ANO6: variants seen among roughly 807,000 people sequenced by gnomAD.
ANO6 encodes anoctamin-6.
Under a neutral mutation model 117.5 loss-of-function variants are expected in ANO6, and 106 were observed. That is an observed-to-expected ratio of 0.90 (90% CI 0.77 to 1.06). ANO6 has a LOEUF of 1.06. Ranked by LOEUF, ANO6 falls within the 50% of genes least tolerant of loss-of-function variation. The probability of loss-of-function intolerance (pLI) is 0.00; values close to 1 mark genes in which losing one functional copy is unlikely to be tolerated. For synonymous variants in ANO6, 367 were observed against 385.1 expected (o/e 0.95, Z 0.55); for missense variants, 955 against 1,121.1 (o/e 0.85, Z 2.12).
At chr12:45,316,897 T>G (rs78158164) in intron 2 of ANO6, among the ~76,000 whole-genome samples, 8,067 of 148,394 alleles carry the variant, frequency 0.054, 517 homozygotes, top group East Asian at 0.35. Flanking sequence ...GACCTCAGAG[T>G]TTTTTTTTAA....
At chr12:45,363,677 C>T (rs1941614116) in intron 8 of ANO6, among the ~76,000 whole-genome samples, 1 of 152,148 alleles carries the variant, frequency 6.6e-6, no homozygotes, top group African/African-American at 2.4e-5. Context: ...CCCATAATTC[C>T]CACATGTTGT....
chr12:45,259,474 A>G (rs574726651), intron 1 of ANO6, among the ~76,000 whole-genome samples: 9 of 152,326 alleles, frequency 5.9e-5, no homozygotes, highest in Admixed American at 2.6e-4. Flanking sequence ...TGAGATGTAG[A>G]GGATAGAAAC....
Position 45,401,835 on chromosome 12 carries a change from A to T in ANO6, c.1427A>T (p.Tyr476Phe). Reference sequence around the variant, plus strand: ...GCTTCAGTTATTGGGATCATTGTCTATAGGCTCTCGGTGTTCATTGTATTT... The same window carrying T: ...GCTTCAGTTATTGGGATCATTGTCTTTAGGCTCTCGGTGTTCATTGTATTT... ...IIASVIGIIV[Y>F]RLSVFIVFSA... Residue 476 changes from tyrosine (Y) to phenylalanine (F), a missense_variant, in exon 13 of 20, where the codon TAT (tyrosine) becomes TTT (phenylalanine). Coordinates refer to ENST00000320560, the MANE Select transcript of ANO6 (RefSeq NM_001025356.3). The T allele has an allele frequency of 6.2e-7, 1 of 1,613,834 alleles. No homozygotes were observed. Among genetic ancestry groups the T allele is most frequent in the Non-Finnish European group, 8.5e-7 (1 of 1,179,962 alleles).
intron 10 of ANO6, among the ~76,000 whole-genome samples, chr12:45,386,057 AAAAAC>A (rs1030035426): frequency 2.2e-4 from 34 of 152,122 alleles, no homozygotes; most frequent in African/African-American, 7.3e-4. Context: ...ATTAAACCTT[AAAAAC>A]AAAACAAAAC....
At chr12:45,433,699 C>CACCGTT (rs1436858065), downstream of ANO6, among the ~76,000 whole-genome samples, 24 of 150,752 alleles carry the variant, frequency 1.6e-4, no homozygotes, top group African/African-American at 5.5e-4. Flanking sequence ...TCGTCACCGT[C>CACCGTT]ACCGTTAAGA....
intron 1 of ANO6, among the ~76,000 whole-genome samples, chr12:45,295,838 G>A (rs896039549): frequency 2.0e-5 from 3 of 151,796 alleles, no homozygotes; most frequent in African/African-American, 7.3e-5. Flanking sequence ...GTGATTACAG[G>A]CGCTTTTTAA....
intron 13 of ANO6, among the ~76,000 whole-genome samples, chr12:45,402,550 C>A (rs189145786): frequency 6.6e-6 from 1 of 152,158 alleles, no homozygotes; most frequent in South Asian, 2.1e-4. Flanking sequence ...ACGTCTGAGT[C>A]GTTCCCTGAA....
intron 9 of ANO6, among the ~76,000 whole-genome samples, chr12:45,376,929 T>C (rs1263643226): frequency 6.6e-6 from 1 of 152,148 alleles, no homozygotes; most frequent in African/African-American, 2.4e-5. Context: ...AGGATTATGC[T>C]TGCTTTCTCA....
intron 3 of ANO6, among the ~76,000 whole-genome samples, chr12:45,332,743 G>A (rs1385803078): frequency 6.6e-6 from 1 of 152,046 alleles, no homozygotes; most frequent in Non-Finnish European, 1.5e-5. Flanking sequence ...CCTGACAGAA[G>A]CTCTGCCATA....
At chr12:45,230,268 G>A (rs532841337) in intron 1 of ANO6, among the ~76,000 whole-genome samples, 1 of 152,166 alleles carries the variant, frequency 6.6e-6, no homozygotes, top group South Asian at 2.1e-4. Flanking sequence ...ATGAATAAAA[G>A]ATAATGATTA....
At chr12:45,381,734 G>A (rs1335041235) in intron 10 of ANO6, among the ~76,000 whole-genome samples, 1 of 152,126 alleles carries the variant, frequency 6.6e-6, no homozygotes, top group Non-Finnish European at 1.5e-5. Context: ...AGGCAGAACT[G>A]CTTCCTATAG....
chr12:45,370,608 T>C (rs2137516380), intron 9 of ANO6, among the ~76,000 whole-genome samples: 1 of 152,372 alleles, frequency 6.6e-6, no homozygotes, highest in Non-Finnish European at 1.5e-5. Flanking sequence ...TCTTCAATAA[T>C]AGTATTACAA....
chr12:45,311,340 C>T (rs1380415319), intron 2 of ANO6, among the ~76,000 whole-genome samples: 4 of 151,994 alleles, frequency 2.6e-5, no homozygotes, highest in Non-Finnish European at 4.4e-5. Flanking sequence ...ATTTGGTTAA[C>T]GAAGCTCCGT....
At chr12:45,380,911 G>A (rs1273963862) in intron 10 of ANO6, among the ~76,000 whole-genome samples, 1 of 149,810 alleles carries the variant, frequency 6.7e-6, no homozygotes, top group Non-Finnish European at 1.5e-5. Context: ...AGTTTGCAGT[G>A]AGCCGAGATC....
intron 2 of ANO6, chr12:45,313,517 G>A (rs1295990750): frequency 1.3e-5 from 2 of 151,968 alleles, no homozygotes; most frequent in African/African-American, 2.4e-5. Flanking sequence ...ACAGGGAAAG[G>A]GCTGCCTAGG....
chr12:45,417,020 C>G, intron 17 of ANO6, 116 bp downstream of exon 17: 1 of 1,004,030 alleles, frequency 1.0e-6, no homozygotes, highest in East Asian at 2.6e-5. Flanking sequence ...AGTCTGTCAT[C>G]CACATAAATG....
rs993211324 is a variant in ANO6, at chr12:45,382,730, A to G, written c.1165+4617A>G. ...ATAAAAGTTATGGTTATACTATACT[A>G]TAGTCTAGTGAGTGTGCATAGCATT... is the stretch of plus-strand genomic sequence containing the variant. On this transcript the variant is annotated intron_variant, in intron 10 of 19. Transcript: ENST00000320560. Among the ~76,000 whole-genome samples, 14 of 152,356 alleles carry G rather than the reference A, an allele frequency of 9.2e-5. No homozygotes were observed. In the East Asian group the frequency reaches 2.3e-3, roughly 25 times the overall value.
intron 3 of ANO6, among the ~76,000 whole-genome samples, chr12:45,338,857 C>A (rs900821256): frequency 6.6e-6 from 1 of 151,968 alleles, no homozygotes; most frequent in Non-Finnish European, 1.5e-5. Flanking sequence ...TTCTGAAAAG[C>A]AAGACCTGAT....
chr12:45,438,859 G>T (rs190552705), intron 19 of ANO6, among the ~76,000 whole-genome samples: 50 of 152,206 alleles, frequency 3.3e-4, no homozygotes, highest in African/African-American at 1.2e-3. Context: ...TTCCATTAAA[G>T]ATATTTCTTT....
Sources: gnomAD v4.1 joint callset for allele counts (sites outside exome capture counted in the v4.1 genomes callset) on GRCh38, gnomAD v4.1.1 for gene constraint, MANE v1.5 for transcripts, NCBI Gene and HGNC (gene_info 2026-07-23, HGNC 2026-07-21) for gene names.